KL: variants seen among roughly 807,000 people sequenced by gnomAD.
KL encodes the protein klotho, also known as alpha-klotho.
KL carries 62 observed loss-of-function variants against 84.2 expected under a neutral mutation model. That is an observed-to-expected ratio of 0.74 (90% confidence interval 0.60 to 0.91). KL has a LOEUF of 0.91. KL is among the 40% of genes least tolerant of loss of function. KL has a pLI of 0.00. For missense variants in KL, 1,261 were observed against 1,305.7 expected, an observed-to-expected ratio of 0.97 and a Z score of 0.53; for synonymous variants, 528 against 528.0, an observed-to-expected ratio of 1.00 and a Z score of 0.00.
At chr13:33,018,389 G>C (rs425686) in intron 1 of KL, among the ~76,000 whole-genome samples, 48,176 of 151,964 alleles carry the variant, frequency 0.32, 7,788 homozygotes, top group African/African-American at 0.35. Flanking sequence ...GATAATATGG[G>C]CAGAGCAGTA....
intron 4 of KL, among the ~76,000 whole-genome samples, chr13:33,062,267 A>G (rs926063781): frequency 6.6e-6 from 1 of 151,950 alleles, no homozygotes; most frequent in African/African-American, 2.4e-5. Context: ...CTGCAGATTC[A>G]GTTACTTGGG....
At chr13:33,049,872 AT>A (rs1593804384) in intron 1 of KL, among the ~76,000 whole-genome samples, 1 of 152,228 alleles carries the variant, frequency 6.6e-6, no homozygotes, top group Non-Finnish European at 1.5e-5. Context: ...AATGAAAAAA[AT>A]ATATAGATGG....
At chr13:33,058,929 T>A (rs1872069638) in intron 3 of KL, among the ~76,000 whole-genome samples, 1 of 152,154 alleles carries the variant, frequency 6.6e-6, no homozygotes, top group South Asian at 2.1e-4. Flanking sequence ...TCCCACAGCA[T>A]TAGGGGAAGT....
At chr13:33,041,047 C>T (rs1871320965) in intron 1 of KL, among the ~76,000 whole-genome samples, 1 of 152,100 alleles carries the variant, frequency 6.6e-6, no homozygotes, top group South Asian at 2.1e-4. Context: ...AACTGGTATC[C>T]TTGCTCCCAT....
At position 33,055,265 on chromosome 13, in the gene KL, G is replaced by A; in HGVS notation, c.1549G>A (p.Gly517Arg). The change falls in exon 3 of 5, where the codon GGG (glycine) becomes AGG (arginine). Residue 517 changes from glycine (G) to arginine (R), a missense_variant. By Grantham distance (125) the Gly-to-Arg change is moderately radical. Transcript: ENST00000380099. ...TTTACCTGAAAATCAGCCCCTAGAA[G>A]GGACATTTCCCTGTGACTTTGCTTG... ...PPLPENQPLEGTFPCDFAWGV... is the reference protein window; with the variant it reads ...PPLPENQPLERTFPCDFAWGV... 3 of 1,614,182 alleles carry A rather than the reference G, an allele frequency of 1.9e-6. No individual in the cohort carries two copies. The highest frequency in any genetic ancestry group is 1.3e-5 in the African/African-American group (1 of 75,048).
At chr13:33,038,824 G>C (rs963541291) in intron 1 of KL, among the ~76,000 whole-genome samples, 2 of 152,140 alleles carry the variant, frequency 1.3e-5, no homozygotes, top group Non-Finnish European at 1.5e-5. Flanking sequence ...TAAACAAGCA[G>C]AGCAGACATC....
At chr13:33,049,258 G>A (rs1277472031) in intron 1 of KL, among the ~76,000 whole-genome samples, 1 of 152,100 alleles carries the variant, frequency 6.6e-6, no homozygotes, top group African/African-American at 2.4e-5. Flanking sequence ...TCCTGCTTCA[G>A]CCCAGAAAAA....
intron 1 of KL, among the ~76,000 whole-genome samples, chr13:33,032,393 G>C (rs1871003578): frequency 6.6e-6 from 1 of 152,172 alleles, no homozygotes; most frequent in Admixed American, 6.5e-5. Flanking sequence ...GTCATCTGAA[G>C]CTTGAACGGG....
chr13:33,025,282 G>C (rs1273478272), intron 1 of KL, among the ~76,000 whole-genome samples: 1 of 152,186 alleles, frequency 6.6e-6, no homozygotes, highest in Non-Finnish European at 1.5e-5. Flanking sequence ...TTTTTCTGTA[G>C]AGGGCTAAGT....
In KL at chr13:33,065,032, CTTA is replaced by C. The variant is rs1417411069; in HGVS notation, c.*851_*853del. 4.4e-6 allele frequency: 1 copy of C among 228,592 alleles called. No homozygotes were observed. The highest frequency in any genetic ancestry group is 2.2e-5 in the African/African-American group (1 of 45,068). 14.2% of individuals were successfully genotyped at this position (228,592 alleles called of 1,614,324 possible). A position where few individuals can be genotyped will look rare whatever the true frequency, so the allele number is the denominator to read the frequency against. On this transcript the variant is annotated 3_prime_UTR_variant, in exon 5 of 5. Coordinates refer to ENST00000380099, the MANE Select transcript of KL (RefSeq NM_004795.4). ...AGGTGGAGGAAAGGAGGAAAAAGTG[CTTA>C]TTATGTGCAACATTATGATTAATCT... is the stretch of plus-strand genomic sequence containing the variant.
At chr13:33,051,040 G>T (rs1448573076) in intron 1 of KL, among the ~76,000 whole-genome samples, 1 of 152,222 alleles carries the variant, frequency 6.6e-6, no homozygotes, top group East Asian at 1.9e-4. Flanking sequence ...AGCAGGGGTT[G>T]TTTCCTCCAC....
chr13:33,053,691 A>G, intron 1 of KL, 76 bp from the exon 2 acceptor site: 1 of 1,301,762 alleles, frequency 7.7e-7, no homozygotes, highest in Non-Finnish European at 1.1e-6. Context: ...ATATAATCTG[A>G]TTTGGGGATT....
At chr13:33,047,059 T>A (rs1038751146) in intron 1 of KL, among the ~76,000 whole-genome samples, 3 of 152,198 alleles carry the variant, frequency 2.0e-5, no homozygotes, top group African/African-American at 7.2e-5. Context: ...TTTTCTGGTC[T>A]AACATATGAT....
Position 33,061,657 on chromosome 13 carries a change from A to C in KL, c.2578A>C (p.Lys860Gln), listed in dbSNP as rs150115722. 1.2e-6 allele frequency: 2 copies of C among 1,614,164 alleles called. No homozygotes were observed. Among genetic ancestry groups the C allele is most frequent in the South Asian group, 2.2e-5 (2 of 91,070 alleles). The change falls in exon 4 of 5, where the codon AAG (lysine) becomes CAG (glutamine). Residue 860 changes from lysine (K) to glutamine (Q), a missense_variant. Lys to Gln is a moderately conservative substitution (Grantham distance 53). Transcript: ENST00000380099. ...GTTGCGCAAAGTGCTGAACTGGCTG[A>C]AGTTCAAGTACGGAGACCTCCCCAT... ...WGLRKVLNWL[K>Q]FKYGDLPMYI...
chr13:33,060,178 C>CA (rs1231165005), intron 3 of KL, among the ~76,000 whole-genome samples: 1 of 152,150 alleles, frequency 6.6e-6, no homozygotes, highest in Non-Finnish European at 1.5e-5. Context: ...CTCCTGGCCT[C>CA]AAGTGACCCT....
At chr13:33,024,781 G>T (rs1457415105) in intron 1 of KL, among the ~76,000 whole-genome samples, 1 of 152,118 alleles carries the variant, frequency 6.6e-6, no homozygotes, top group East Asian at 1.9e-4. Flanking sequence ...GTGTCCCCTT[G>T]TTCCCATCAG....
chr13:33,061,349 TTGGC>T lies in KL; in HGVS notation c.2281_2284del (p.Ala761SerfsTer12). 2 of 1,614,148 alleles carry T rather than the reference TTGGC, an allele frequency of 1.2e-6. No homozygotes were observed. Among genetic ancestry groups the T allele is most frequent in the Non-Finnish European group, 8.5e-7 (1 of 1,179,986 alleles). ...GCTGAGAGAGTTTTGGAATTTGACATTGGCTGGCTGGCTGAGCCCATTTTCGGCT... is the reference window on the plus strand; with the variant it reads ...GCTGAGAGAGTTTTGGAATTTGACATTGGCTGGCTGAGCCCATTTTCGGCT... On this transcript the variant is annotated frameshift_variant, in exon 4 of 5. Transcript: ENST00000380099. LOFTEE classifies it high-confidence loss of function.
chr13:33,063,813 C>T (rs369419419), intron 4 of KL, 36 bp from the exon 5 acceptor site: 68 of 1,553,940 alleles, frequency 4.4e-5, no homozygotes, highest in African/African-American at 2.2e-4. Context: ...GTGCAAAATA[C>T]GTAATAACTA....
intron 1 of KL, among the ~76,000 whole-genome samples, chr13:33,053,372 C>T (rs1442373455): frequency 6.6e-6 from 1 of 152,188 alleles, no homozygotes; most frequent in Non-Finnish European, 1.5e-5. Context: ...TTTAGAAATT[C>T]CTGGTGTGAT....
Sources: allele counts gnomAD v4.1 joint callset (sites outside exome capture counted in the v4.1 genomes callset), GRCh38; gene constraint gnomAD v4.1.1; transcripts MANE v1.5; gene names NCBI Gene and HGNC (gene_info 2026-07-23, HGNC 2026-07-21).